Variants in ANO4 observed in about 807,000 individuals in gnomAD.
ANO4 encodes anoctamin-4.
A neutral mutation model predicts 141.9 loss-of-function variants in ANO4; 69 were observed. That is an observed-to-expected ratio of 0.49 (90% CI 0.40 to 0.59). The LOEUF is 0.59. ANO4 is among the 20% of genes least tolerant of loss of function. The probability of loss-of-function intolerance (pLI) is 0.00; values close to 1 mark genes in which losing one functional copy is unlikely to be tolerated. For synonymous variants in ANO4, 350 were observed against 394.3 expected (o/e 0.89, Z 1.33); for missense variants, 894 against 1,162.2 (o/e 0.77, Z 3.36).
intron 1 of ANO4, among the ~76,000 whole-genome samples, chr12:100,871,137 A>G (rs114106174): frequency 3.3e-4 from 51 of 152,298 alleles, no homozygotes; most frequent in Admixed American, 9.2e-4. Context: ...CTGAGTTTTC[A>G]TATCACCTTA....
intron 1 of ANO4, among the ~76,000 whole-genome samples, chr12:100,899,801 T>A (rs1410023045): frequency 6.6e-6 from 1 of 152,178 alleles, no homozygotes; most frequent in Non-Finnish European, 1.5e-5. Flanking sequence ...TTTAAAATAA[T>A]TTTTTTTACA....
At chr12:101,068,651 A>C (rs975073432) in intron 14 of ANO4, 1 of 1,328,098 alleles carries the variant, frequency 7.5e-7, no homozygotes, top group African/African-American at 1.4e-5. Flanking sequence ...TTCTTTGAGC[A>C]AGAGAATGAC....
intron 5 of ANO4, among the ~76,000 whole-genome samples, chr12:100,963,259 C>T (rs2043502140): frequency 6.6e-6 from 1 of 152,084 alleles, no homozygotes; most frequent in Non-Finnish European, 1.5e-5. Flanking sequence ...AAACCCATTA[C>T]AAGGGATGAG....
chr12:100,755,684 C>T (rs2032577388), intron 3 of ANO4, among the ~76,000 whole-genome samples: 1 of 152,102 alleles, frequency 6.6e-6, no homozygotes, highest in Admixed American at 6.5e-5. Flanking sequence ...CATTAATTGT[C>T]TTAGCTAATA....
intron 3 of ANO4, among the ~76,000 whole-genome samples, chr12:100,779,406 A>G (rs2033642123): frequency 6.6e-6 from 1 of 152,238 alleles, no homozygotes; most frequent in Non-Finnish European, 1.5e-5. Context: ...CAGCCAGCAA[A>G]GGAACTGTGT....
At chr12:100,809,544 GGT>G (rs912486327) in intron 1 of ANO4, among the ~76,000 whole-genome samples, 2 of 152,212 alleles carry the variant, frequency 1.3e-5, no homozygotes, top group African/African-American at 4.8e-5. Context: ...GTTGCTGCCA[GGT>G]GGGCAGATCA....
intron 9 of ANO4, among the ~76,000 whole-genome samples, chr12:101,021,069 T>C (rs1168446749): frequency 6.6e-6 from 1 of 152,176 alleles, no homozygotes; most frequent in Non-Finnish European, 1.5e-5. Context: ...TAGGAGCAGC[T>C]ACCACCTCTG....
chr12:100,854,699 T>C (rs915519833), intron 1 of ANO4, among the ~76,000 whole-genome samples: 6 of 152,222 alleles, frequency 3.9e-5, no homozygotes, highest in African/African-American at 1.4e-4. Flanking sequence ...ACTCATTCAC[T>C]GTATTTATCT....
intron 5 of ANO4, among the ~76,000 whole-genome samples, chr12:100,944,170 T>C (rs1402462013): frequency 1.4e-4 from 21 of 152,206 alleles, no homozygotes; most frequent in Admixed American, 1.4e-3. Flanking sequence ...CTTTTCCAAA[T>C]AGCGCACATT....
At chr12:100,964,965 G>C (rs1383661880) in intron 5 of ANO4, among the ~76,000 whole-genome samples, 1 of 152,112 alleles carries the variant, frequency 6.6e-6, no homozygotes, top group African/African-American at 2.4e-5. Flanking sequence ...GCAGGGATTT[G>C]GTCTGTTTTG....
At chr12:100,854,915 T>G (rs546815541) in intron 1 of ANO4, among the ~76,000 whole-genome samples, 1 of 152,324 alleles carries the variant, frequency 6.6e-6, no homozygotes, top group South Asian at 2.1e-4. Context: ...TGGCTTCTCA[T>G]GGACTGGGTG....
intron 15 of ANO4, among the ~76,000 whole-genome samples, chr12:101,080,900 T>TATAATATATATATAC (rs1194122665): frequency 7.6e-6 from 1 of 131,042 alleles, no homozygotes; most frequent in Non-Finnish European, 1.6e-5. Flanking sequence ...TATATATATA[T>TATAATATATATATAC]ACATACACAT....
At chr12:101,113,222 C>T (rs1394680419) in intron 24 of ANO4, among the ~76,000 whole-genome samples, 2 of 152,158 alleles carry the variant, frequency 1.3e-5, no homozygotes, top group African/African-American at 4.8e-5. Context: ...CAGTAAACCC[C>T]CTGGATTTTC....
At chr12:101,099,108 G>A (rs1024761112) in intron 21 of ANO4, among the ~76,000 whole-genome samples, 10 of 152,188 alleles carry the variant, frequency 6.6e-5, no homozygotes, top group African/African-American at 2.4e-4. Context: ...TTGTAGAACT[G>A]CAGGTGTTTG....
At chr12:101,000,089 T>C (rs2045574006) in intron 8 of ANO4, among the ~76,000 whole-genome samples, 1 of 148,544 alleles carries the variant, frequency 6.7e-6, no homozygotes, top group Admixed American at 6.7e-5. Flanking sequence ...ACCTGGCAGA[T>C]AGAAAGCACT....
upstream of ANO4, among the ~76,000 whole-genome samples, chr12:100,791,771 C>T (rs563083423): frequency 7.2e-5 from 11 of 152,272 alleles, 1 homozygote; most frequent in South Asian, 8.3e-4. Context: ...CTTGGGTGAG[C>T]GTTTTCAGCC....
At chr12:100,725,556 C>T (rs546328427) in intron 1 of ANO4, among the ~76,000 whole-genome samples, 82 of 152,106 alleles carry the variant, frequency 5.4e-4, no homozygotes, top group Admixed American at 1.1e-3. Context: ...CCATGTTAGC[C>T]AGGATGGTCT....
chr12:100,831,013 T>G (rs774297717), intron 1 of ANO4, among the ~76,000 whole-genome samples: 4 of 152,144 alleles, frequency 2.6e-5, no homozygotes, highest in Non-Finnish European at 5.9e-5. Context: ...TCTGCCTCAC[T>G]AAGAGTTTAA....
chr12:101,032,853 C>T (rs1444605746), intron 9 of ANO4, among the ~76,000 whole-genome samples: 1 of 151,380 alleles, frequency 6.6e-6, no homozygotes, highest in Non-Finnish European at 1.5e-5. Context: ...AATAGGAACA[C>T]TTTTACACTG....
Sources: gnomAD v4.1 joint callset for allele counts (sites outside exome capture counted in the v4.1 genomes callset) on GRCh38, gnomAD v4.1.1 for gene constraint, MANE v1.5 for transcripts, NCBI Gene and HGNC (gene_info 2026-07-23, HGNC 2026-07-21) for gene names.